The following MSRA variants were observed in gnomAD, a reference collection of about 807,000 sequenced individuals.
The protein encoded by MSRA is mitochondrial peptide methionine sulfoxide reductase.
In MSRA, 54 loss-of-function variants were observed where a neutral mutation model predicts 31.3. The observed-to-expected ratio is 1.73, with a 90% confidence interval of 1.39 to 2.17. MSRA has a LOEUF of 2.17. Ranked by LOEUF, MSRA falls within the 30% of genes most tolerant of loss-of-function variation. The probability of loss-of-function intolerance (pLI) is 0.00; values close to 1 mark genes in which losing one functional copy is unlikely to be tolerated. For missense variants in MSRA, 507 were observed against 300.9 expected (o/e 1.69, Z -5.07); for synonymous variants, 169 against 116.5 (o/e 1.45, Z -2.90).
chr8:10,235,605 C>A (rs770762390), intron 2 of MSRA, among the ~76,000 whole-genome samples: 4 of 152,110 alleles, frequency 2.6e-5, no homozygotes, highest in Non-Finnish European at 4.4e-5. Context: ...AAGGTTTGCT[C>A]TGCAACGAAA....
intron 5 of MSRA, among the ~76,000 whole-genome samples, chr8:10,382,719 T>C (rs1200108023): frequency 6.6e-6 from 1 of 152,144 alleles, no homozygotes; most frequent in Non-Finnish European, 1.5e-5. Context: ...GGGCTAAAGG[T>C]CATTCAGGGG....
intron 1 of MSRA, among the ~76,000 whole-genome samples, chr8:10,133,556 C>A (rs1802051803): frequency 6.6e-6 from 1 of 152,188 alleles, no homozygotes; most frequent in Non-Finnish European, 1.5e-5. Context: ...GGCTTTGCTG[C>A]CTACCAGCTG....
At chr8:10,169,545 G>A (rs946999897) in intron 1 of MSRA, among the ~76,000 whole-genome samples, 1 of 152,186 alleles carries the variant, frequency 6.6e-6, no homozygotes, top group African/African-American at 2.4e-5. Flanking sequence ...AAAAATCTCT[G>A]TGACTTTGTG....
chr8:10,393,646 G>A lies in MSRA; in HGVS notation c.544-34502G>A, dbSNP rs539354347. Among the ~76,000 whole-genome samples, 7 of 152,266 alleles carry A rather than the reference G, an allele frequency of 4.6e-5. No individual in the cohort carries two copies. In the East Asian group the frequency reaches 7.7e-4, roughly 17 times the overall value. The stretch of plus-strand genomic sequence containing the variant: ...TCTTCTGTGCATGTGATTATAGCGC[G>A]GAAAATGTGGGCAATCAGGACTGCC... On this transcript the variant is annotated intron_variant, in intron 5 of 5. Coordinates refer to ENST00000317173, the MANE Select transcript of MSRA (RefSeq NM_012331.5).
At chr8:10,249,804 A>G (rs1356783926) in intron 3 of MSRA, among the ~76,000 whole-genome samples, 3 of 152,218 alleles carry the variant, frequency 2.0e-5, no homozygotes, top group Admixed American at 1.3e-4. Context: ...AATGATGTCC[A>G]AAGAGTCATC....
intron 5 of MSRA, among the ~76,000 whole-genome samples, chr8:10,391,698 G>A (rs761273990): frequency 2.6e-5 from 4 of 152,134 alleles, no homozygotes; most frequent in African/African-American, 9.7e-5. Context: ...ACACGAGCAC[G>A]CCTAACAGCT....
intron 1 of MSRA, among the ~76,000 whole-genome samples, chr8:10,178,427 T>G (rs1806247721): frequency 6.6e-6 from 1 of 152,038 alleles, no homozygotes; most frequent in Non-Finnish European, 1.5e-5. Context: ...CTGTCTCTAC[T>G]TGAAAAAAAA....
At chr8:10,076,235 C>T (rs778869883) in intron 1 of MSRA, among the ~76,000 whole-genome samples, 1 of 152,196 alleles carries the variant, frequency 6.6e-6, no homozygotes, top group East Asian at 1.9e-4. Flanking sequence ...GTTTGTTTTG[C>T]AGTGTGATGC....
At chr8:10,189,791 T>A (rs1166004543) in intron 1 of MSRA, among the ~76,000 whole-genome samples, 1 of 152,198 alleles carries the variant, frequency 6.6e-6, no homozygotes, top group Non-Finnish European at 1.5e-5. Flanking sequence ...TCTAGTTTTC[T>A]TGTGTCTTTG....
At chr8:10,245,770 G>T (rs1797591632) in intron 3 of MSRA, among the ~76,000 whole-genome samples, 1 of 152,248 alleles carries the variant, frequency 6.6e-6, no homozygotes, top group African/African-American at 2.4e-5. Context: ...AAGAGAGGAT[G>T]AGGCCCATTC....
At chr8:10,097,342 A>C (rs939708826) in intron 1 of MSRA, among the ~76,000 whole-genome samples, 2 of 152,170 alleles carry the variant, frequency 1.3e-5, no homozygotes, top group African/African-American at 4.8e-5. Flanking sequence ...TCCTTTATAC[A>C]CTACGTCGCT....
At chr8:10,111,013 G>A (rs996654307) in intron 1 of MSRA, among the ~76,000 whole-genome samples, 1 of 152,200 alleles carries the variant, frequency 6.6e-6, no homozygotes, top group African/African-American at 2.4e-5. Flanking sequence ...TCTGACAAGT[G>A]TGGAACCATT....
At chr8:10,079,045 T>C (rs930949186) in intron 1 of MSRA, among the ~76,000 whole-genome samples, 3 of 152,246 alleles carry the variant, frequency 2.0e-5, no homozygotes, top group East Asian at 1.9e-4. Flanking sequence ...GGCAGGATCC[T>C]ACCTGGAGGT....
chr8:10,377,841 C>T (rs192213125), intron 5 of MSRA, among the ~76,000 whole-genome samples: 207 of 152,310 alleles, frequency 1.4e-3, no homozygotes, highest in Admixed American at 3.2e-3. Flanking sequence ...CCAGGGCAGC[C>T]GGCTGGGATC....
intron 1 of MSRA, among the ~76,000 whole-genome samples, chr8:10,207,300 G>A (rs1437676775): frequency 6.6e-6 from 1 of 152,158 alleles, no homozygotes; most frequent in Non-Finnish European, 1.5e-5. Flanking sequence ...TAAGGAGGCT[G>A]GTGTCTTTGG....
chr8:10,211,599 C>G (rs990201202), intron 2 of MSRA, among the ~76,000 whole-genome samples: 5 of 152,098 alleles, frequency 3.3e-5, no homozygotes, highest in African/African-American at 1.2e-4. Context: ...TTGGCTCTCA[C>G]CCATTTGATC....
intron 5 of MSRA, among the ~76,000 whole-genome samples, chr8:10,397,688 C>T (rs1298033651): frequency 6.6e-6 from 1 of 152,204 alleles, no homozygotes; most frequent in Non-Finnish European, 1.5e-5. Context: ...TCGTCTTCTA[C>T]CTTATTCATG....
At chr8:10,278,556 G>C (rs945602876) in intron 3 of MSRA, among the ~76,000 whole-genome samples, 1 of 152,238 alleles carries the variant, frequency 6.6e-6, no homozygotes, top group Non-Finnish European at 1.5e-5. Context: ...AGCACATGGA[G>C]TGGGCACACC....
intron 2 of MSRA, among the ~76,000 whole-genome samples, chr8:10,224,974 C>A (rs1810866089): frequency 2.6e-5 from 4 of 152,132 alleles, no homozygotes; most frequent in Admixed American, 2.6e-4. Context: ...CCCATCTCTA[C>A]TATAAATACA....
Sources: gnomAD v4.1 joint callset for allele counts (sites outside exome capture counted in the v4.1 genomes callset) on GRCh38, gnomAD v4.1.1 for gene constraint, MANE v1.5 for transcripts, NCBI Gene and HGNC (gene_info 2026-07-23, HGNC 2026-07-21) for gene names.